Variants in RNF32 observed in about 807,000 individuals in gnomAD.
RNF32 encodes ring finger protein 32.
Under a neutral mutation model 41.0 loss-of-function variants are expected in RNF32, and 36 were observed. That is an observed-to-expected ratio of 0.88 (90% CI 0.67 to 1.16). RNF32 has a LOEUF of 1.16. Ranked by LOEUF, RNF32 falls within the 50% of genes most tolerant of loss-of-function variation. The pLI is 0.00. For missense variants in RNF32, 413 were observed against 436.7 expected, an observed-to-expected ratio of 0.95 and a Z score of 0.48; for synonymous variants, 154 against 160.9, an observed-to-expected ratio of 0.96 and a Z score of 0.32.
At chr7:156,660,701 T>G (rs908833723) in intron 7 of RNF32, among the ~76,000 whole-genome samples, 1 of 152,192 alleles carries the variant, frequency 6.6e-6, no homozygotes, top group South Asian at 2.1e-4. Context: ...CTAAGCAATG[T>G]TGACAGAAAA....
At chr7:156,655,706 T>G (rs1343107171) in intron 4 of RNF32, among the ~76,000 whole-genome samples, 1 of 152,260 alleles carries the variant, frequency 6.6e-6, no homozygotes, top group African/African-American at 2.4e-5. Context: ...CAGTTCTCTA[T>G]CAGGACCTAA....
At position 156,648,749 on chromosome 7, in the gene RNF32, T is replaced by A. The variant is rs1449115860; in HGVS notation, c.274+3992T>A. 1.3e-5 allele frequency among the ~76,000 whole-genome samples: 2 copies of A among 152,240 alleles called. 1 individual carries two copies. The highest frequency in any genetic ancestry group is 2.9e-5 in the Non-Finnish European group (2 of 68,046). ...TTGCATATTCTACATAGTAATCTCT[T>A]GTTGATTTAGCCACTGAAAATATCT... On this transcript the variant is annotated intron_variant, in intron 3 of 8. Transcript: ENST00000317955.
At chr7:156,659,003 A>G in intron 7 of RNF32, 1 of 1,481,216 alleles carries the variant, frequency 6.8e-7, no homozygotes. Context: ...TGTATTGAGT[A>G]CCTCGTGGGG....
chr7:156,672,306 C>G (rs1338941708), intron 7 of RNF32, among the ~76,000 whole-genome samples: 1 of 152,086 alleles, frequency 6.6e-6, no homozygotes, highest in African/African-American at 2.4e-5. Context: ...ACGACAGGTG[C>G]AAAACCCTTT....
chr7:156,675,804 TTGG>T lies in RNF32; in HGVS notation c.794_796del (p.Leu265_Glu266delinsTer). 1 of 1,614,008 alleles carries T rather than the reference TTGG, an allele frequency of 6.2e-7. No homozygotes were observed. Among genetic ancestry groups the T allele is most frequent in the Middle Eastern group, 1.6e-4 (1 of 6,062 alleles). On this transcript the variant is annotated stop_gained and inframe_deletion, in exon 8 of 9. Transcript: ENST00000317955. LOFTEE classifies it high-confidence loss of function. ...CATAAATCGAAGTGTTCTTCAGCAG[TTGG>T]AAGAAAAATGTGGCCATGAGATCAC...
chr7:156,662,960 G>T (rs1156357665), intron 7 of RNF32, among the ~76,000 whole-genome samples: 1 of 150,530 alleles, frequency 6.6e-6, no homozygotes, highest in East Asian at 2.0e-4. Flanking sequence ...CCATTCTCCT[G>T]CCTCAGCCTC....
Position 156,655,424 on chromosome 7 carries a change from G to A in RNF32, c.417+706G>A, listed in dbSNP as rs117057362. On this transcript the variant is annotated intron_variant, in intron 4 of 8. Coordinates refer to ENST00000317955, the MANE Select transcript of RNF32 (RefSeq NM_030936.4). ...TGTGTGTGTGCGTGCACGTGCGTGC[G>A]TGGTTGCCCTGTAACAATTTCCCAC... Among the ~76,000 whole-genome samples the A allele has an allele frequency of 9.8e-4, 149 of 152,320 alleles. 2 individuals carry two copies. In the East Asian group the frequency reaches 0.025, roughly 25 times the overall value.
At position 156,669,574 on chromosome 7, in the gene RNF32, G is replaced by A. The variant is rs1168584114; in HGVS notation, c.685-6122G>A. On this transcript the variant is annotated intron_variant, in intron 7 of 8. Transcript: ENST00000317955. This position sits in a 1 kb window ranked among gnomAD's most constrained non-coding sequence, Gnocchi z 4.2. Reference sequence around the variant, plus strand: ...TGACCCTTCCAGGACCCAGACCCCTGTGAGGCCCTGAGCTGGGCGCTGAGC... The same window carrying A: ...TGACCCTTCCAGGACCCAGACCCCTATGAGGCCCTGAGCTGGGCGCTGAGC... 2.6e-5 allele frequency among the ~76,000 whole-genome samples: 4 copies of A among 152,178 alleles called. No individual in the cohort carries two copies. Among genetic ancestry groups the A allele is most frequent in the Non-Finnish European group, 5.9e-5 (4 of 68,024 alleles).
At chr7:156,658,612 C>T (rs769813662) in intron 7 of RNF32, 42 bp downstream of exon 7, 12 of 1,335,078 alleles carry the variant, frequency 9.0e-6, no homozygotes, top group East Asian at 4.6e-5. Context: ...GGTCTCCGTG[C>T]GGGTGGTTCA....
chr7:156,664,610 T>C (rs1801090804), intron 7 of RNF32, among the ~76,000 whole-genome samples: 1 of 152,236 alleles, frequency 6.6e-6, no homozygotes, highest in African/African-American at 2.4e-5. Flanking sequence ...TGTTTAGGGG[T>C]TGCATCTATT....
chr7:156,676,388 G>C (rs200884632), intron 8 of RNF32, 31 bp from the exon 9 acceptor site: 1 of 1,613,884 alleles, frequency 6.2e-7, no homozygotes, highest in South Asian at 1.1e-5. Flanking sequence ...AAACTAACCC[G>C]CGTGGCCTCT....
intron 7 of RNF32, chr7:156,660,057 G>GT (rs1800385723): frequency 1.0e-6 from 1 of 985,714 alleles, no homozygotes; most frequent in Non-Finnish European, 1.2e-6. Flanking sequence ...CACAAATACT[G>GT]TTTTTTGTTT....
At chr7:156,661,029 G>C (rs1040969827) in intron 7 of RNF32, among the ~76,000 whole-genome samples, 11 of 152,232 alleles carry the variant, frequency 7.2e-5, no homozygotes, top group African/African-American at 2.4e-4. Flanking sequence ...CAGCAGAAGG[G>C]AATCTCTAAG....
chr7:156,658,586 T>C lies in RNF32; in HGVS notation c.684+16T>C. 6.6e-7 allele frequency: 1 copy of C among 1,514,758 alleles called. No individual in the cohort carries two copies. The highest frequency in any genetic ancestry group is 9.2e-7 in the Non-Finnish European group (1 of 1,089,716). The allele number at this position is 1,514,758 out of a possible 1,614,324, so 93.8% of individuals were successfully genotyped here. On this transcript the variant is annotated intron_variant, in intron 7 of 8. Coordinates refer to ENST00000317955, the MANE Select transcript of RNF32 (RefSeq NM_030936.4). The stretch of plus-strand genomic sequence containing the variant: ...TGAAAAAAAGGTAGGTAAAGATCAT[T>C]ATGTTCTCCAGATATGGTCTCCGTG...
rs1800022172 is a variant in RNF32, at chr7:156,658,156, C to G, written c.479C>G (p.Thr160Arg). 1 of 1,613,908 alleles carries G rather than the reference C, an allele frequency of 6.2e-7. No homozygotes were observed. ...TGTCTTCAGGCTTTTGAAAAGTTCA[C>G]AAATAAGAAAACCTGTCCTCTCTGT... The part of the protein sequence containing the change: ...KACLQAFEKF[T>R]NKKTCPLCRK... Residue 160 changes from threonine (T) to arginine (R), a missense_variant, in exon 6 of 9, where the codon ACA (threonine) becomes AGA (arginine). Coordinates refer to ENST00000317955, the MANE Select transcript of RNF32 (RefSeq NM_030936.4).
intron 7 of RNF32, among the ~76,000 whole-genome samples, chr7:156,668,544 C>T (rs1265398184): frequency 6.6e-6 from 1 of 152,174 alleles, no homozygotes; most frequent in Non-Finnish European, 1.5e-5. Context: ...CCTCTGTGTC[C>T]TCACTCCTTC....
intron 1 of RNF32, among the ~76,000 whole-genome samples, chr7:156,641,361 A>G (rs991667078): frequency 9.2e-5 from 14 of 152,202 alleles, no homozygotes; most frequent in Non-Finnish European, 1.5e-5. Flanking sequence ...TTTGCCACCA[A>G]GCTCTGCCTC....
chr7:156,657,208 C>T (rs2131485307), intron 4 of RNF32, among the ~76,000 whole-genome samples: 1 of 152,274 alleles, frequency 6.6e-6, no homozygotes, highest in African/African-American at 2.4e-5. Flanking sequence ...GGACAGGCCC[C>T]CCTCCTCACC....
At chr7:156,652,854 C>A (rs144646077) in intron 3 of RNF32, among the ~76,000 whole-genome samples, 1 of 152,120 alleles carries the variant, frequency 6.6e-6, no homozygotes, top group African/African-American at 2.4e-5. Context: ...CCAGGAGACA[C>A]AGCCTGCAGT....
Sources: gnomAD v4.1 joint callset for allele counts (sites outside exome capture counted in the v4.1 genomes callset) on GRCh38, gnomAD v4.1.1 for gene constraint, Gnocchi (gnomAD v3.1) non-coding constraint, MANE v1.5 for transcripts, NCBI Gene and HGNC (gene_info 2026-07-23, HGNC 2026-07-21) for gene names.